Variants in PDSS2 observed in about 807,000 individuals in gnomAD.
The protein encoded by PDSS2 is decaprenyl diphosphate synthase subunit 2, also known as all trans-polyprenyl-diphosphate synthase PDSS2.
Under a neutral mutation model 44.5 loss-of-function variants are expected in PDSS2, and 31 were observed. The observed-to-expected ratio is 0.70, with a 90% confidence interval of 0.52 to 0.94. The LOEUF (loss-of-function observed/expected upper bound fraction) is 0.94. Ranked by LOEUF, PDSS2 falls within the 40% of genes least tolerant of loss-of-function variation. The pLI is 0.00. For synonymous variants in PDSS2, 157 were observed against 180.3 expected, an observed-to-expected ratio of 0.87 and a Z score of 1.03; for missense variants, 452 against 482.2, an observed-to-expected ratio of 0.94 and a Z score of 0.59.
intron 4 of PDSS2, among the ~76,000 whole-genome samples, chr6:107,212,613 T>A (rs1200873396): frequency 6.6e-6 from 1 of 152,216 alleles, no homozygotes; most frequent in African/African-American, 2.4e-5. Flanking sequence ...ATATCAGTTC[T>A]TAAGTGCTGG....
chr6:107,385,594 T>C (rs1012742498), intron 1 of PDSS2, among the ~76,000 whole-genome samples: 3 of 152,242 alleles, frequency 2.0e-5, no homozygotes, highest in African/African-American at 7.2e-5. Flanking sequence ...CATTATTTAC[T>C]ATGTTGGACT....
At chr6:107,432,198 A>T (rs534922930) in intron 1 of PDSS2, among the ~76,000 whole-genome samples, 1 of 152,326 alleles carries the variant, frequency 6.6e-6, no homozygotes, top group South Asian at 2.1e-4. Context: ...TGGGTAATCA[A>T]CACATAGATA....
At chr6:107,242,194 C>T (rs998076944) in intron 4 of PDSS2, among the ~76,000 whole-genome samples, 2 of 152,182 alleles carry the variant, frequency 1.3e-5, no homozygotes, top group Non-Finnish European at 1.5e-5. Context: ...CAAATGGAGG[C>T]ATCAAGAAGC....
intron 4 of PDSS2, among the ~76,000 whole-genome samples, chr6:107,232,572 C>A (rs1186888893): frequency 1.3e-5 from 2 of 152,212 alleles, no homozygotes; most frequent in East Asian, 3.9e-4. Context: ...ACTATCATTT[C>A]TCCCTATTTA....
At chr6:107,208,110 C>T (rs62428037) in intron 6 of PDSS2, among the ~76,000 whole-genome samples, 34,747 of 148,692 alleles carry the variant, frequency 0.23, 4,956 homozygotes, top group East Asian at 0.48. Flanking sequence ...CCTCAGCCTC[C>T]CGAGTAGCTG....
chr6:107,347,610 G>A (rs577035105), intron 1 of PDSS2, among the ~76,000 whole-genome samples: 4 of 152,270 alleles, frequency 2.6e-5, no homozygotes, highest in Admixed American at 1.3e-4. Flanking sequence ...GCTTTTCTTC[G>A]TTCTTTTCTG....
intron 6 of PDSS2, among the ~76,000 whole-genome samples, chr6:107,207,975 C>CTT (rs1271573467): frequency 7.9e-4 from 54 of 68,128 alleles, no homozygotes; most frequent in African/African-American, 3.1e-3. Flanking sequence ...CTGTCTATGA[C>CTT]TTGTTTTTTT....
chr6:107,193,920 G>T, intron 6 of PDSS2, 66 bp from the exon 7 acceptor site: 2 of 1,019,630 alleles, frequency 2.0e-6, no homozygotes, highest in Non-Finnish European at 3.1e-6. Context: ...TATAATTTTT[G>T]CTTCTCAAAG....
intron 1 of PDSS2, among the ~76,000 whole-genome samples, chr6:107,342,447 A>C (rs927497852): frequency 6.6e-6 from 1 of 152,252 alleles, no homozygotes; most frequent in Non-Finnish European, 1.5e-5. Flanking sequence ...CATTCTAAAA[A>C]ACATGCTGAG....
At chr6:107,451,934 CA>C (rs1430076391) in intron 1 of PDSS2, among the ~76,000 whole-genome samples, 4 of 152,212 alleles carry the variant, frequency 2.6e-5, no homozygotes, top group Non-Finnish European at 2.9e-5. Context: ...TTGCATTTCC[CA>C]AAAGGCTAAT....
chr6:107,372,613 GGC>G lies in PDSS2; in HGVS notation c.297-38283_297-38282del, dbSNP rs1779162134. Among the ~76,000 whole-genome samples the G allele has an allele frequency of 4.6e-5, 7 of 151,776 alleles. No homozygotes were observed. The South Asian group carries it at 1.5e-3, about 32-fold the overall frequency. On this transcript the variant is annotated intron_variant, in intron 1 of 7. Coordinates refer to ENST00000369037, the MANE Select transcript of PDSS2 (RefSeq NM_020381.4). ...ACTACAGGCGCCCGCCACCACGCTC[GGC>G]TAATTGTTTTGGATTTTTAGTAGAG...
chr6:107,247,839 T>TAG (rs376657300), intron 3 of PDSS2, among the ~76,000 whole-genome samples: 1 of 88,028 alleles, frequency 1.1e-5, no homozygotes, highest in Non-Finnish European at 2.1e-5. Context: ...CTGTCTCTAC[T>TAG]AAAAAAAAAA....
rs113091933 is a variant in PDSS2, at chr6:107,426,947, T to C, written c.296+32043A>G. On this transcript the variant is annotated intron_variant, in intron 1 of 7. Coordinates refer to ENST00000369037, the MANE Select transcript of PDSS2 (RefSeq NM_020381.4). ...GATGAGTTACTGGACTGTGGGCTTTTGAGTTAATGCTGAAATGAGTTAAGA... is the reference window on the plus strand; with the variant it reads ...GATGAGTTACTGGACTGTGGGCTTTCGAGTTAATGCTGAAATGAGTTAAGA... Among the ~76,000 whole-genome samples the C allele has an allele frequency of 6.7e-3, 1,015 of 152,276 alleles. 8 individuals carry two copies. Among genetic ancestry groups the C allele is most frequent in the African/African-American group, 0.024 (989 of 41,558 alleles).
intron 2 of PDSS2, among the ~76,000 whole-genome samples, chr6:107,328,526 T>A (rs1777618693): frequency 6.6e-6 from 1 of 152,258 alleles, no homozygotes; most frequent in African/African-American, 2.4e-5. Context: ...TCCACCCACC[T>A]CAGCCTCCCA....
intron 6 of PDSS2, chr6:107,197,970 G>A: frequency 1.1e-5 from 5 of 469,632 alleles, no homozygotes; most frequent in Middle Eastern, 6.5e-4. Context: ...TGGCTGCATT[G>A]AGCCACCTCC....
intron 4 of PDSS2, among the ~76,000 whole-genome samples, chr6:107,226,144 T>A (rs1055335181): frequency 6.6e-6 from 1 of 151,980 alleles, no homozygotes; most frequent in Admixed American, 6.6e-5. Context: ...CTGTCTCTAC[T>A]AAAAATACAA....
intron 3 of PDSS2, among the ~76,000 whole-genome samples, chr6:107,245,874 G>C (rs1344970834): frequency 1.3e-5 from 2 of 152,118 alleles, no homozygotes; most frequent in Admixed American, 1.3e-4. Flanking sequence ...CATGAAAATC[G>C]AGTAATAGCC....
intron 1 of PDSS2, among the ~76,000 whole-genome samples, chr6:107,458,378 A>ACTCCCGCCTGGGCGACAAAG (rs1782117251): frequency 7.2e-6 from 1 of 138,936 alleles, no homozygotes; most frequent in African/African-American, 2.8e-5. Flanking sequence ...AGTCCCAGCT[A>ACTCCCGCCTGGGCGACAAAG]CTCCCGCCTG....
rs782602224 is a variant in PDSS2, at chr6:107,154,575, T to C, written c.*44A>G. The C allele has an allele frequency of 3.8e-6, 6 of 1,596,012 alleles. No individual in the cohort carries two copies. The South Asian group carries it at 5.5e-5, about 15-fold the overall frequency. ...AGCGCTCCCAATCAACCTCATTCCC[T>C]AGGATTTTCAGCTAACTAACAATAG... On this transcript the variant is annotated 3_prime_UTR_variant, in exon 8 of 8. Coordinates refer to ENST00000369037, the MANE Select transcript of PDSS2 (RefSeq NM_020381.4).
Sources: gnomAD v4.1 joint callset for allele counts (sites outside exome capture counted in the v4.1 genomes callset) on GRCh38, gnomAD v4.1.1 for gene constraint, MANE v1.5 for transcripts, NCBI Gene and HGNC (gene_info 2026-07-23, HGNC 2026-07-21) for gene names.